IGF1R: variants seen among roughly 807,000 people sequenced by gnomAD.
The protein encoded by IGF1R is insulin-like growth factor 1 receptor.
In IGF1R, 44 loss-of-function variants were observed where a neutral mutation model predicts 144.6. The observed-to-expected ratio is 0.30, with a 90% CI of 0.24 to 0.39. IGF1R has a LOEUF of 0.39. IGF1R is among the 10% of genes least tolerant of loss of function. The pLI is 1.00. For synonymous variants in IGF1R, 795 were observed against 722.8 expected, an observed-to-expected ratio of 1.10 and a Z score of -1.60; for missense variants, 1,355 against 1,833.7, an observed-to-expected ratio of 0.74 and a Z score of 4.77.
intron 1 of IGF1R, among the ~76,000 whole-genome samples, chr15:98,681,855 T>A (rs1198533382): frequency 6.6e-6 from 1 of 152,204 alleles, no homozygotes; most frequent in Non-Finnish European, 1.5e-5. Flanking sequence ...GTTTGCTATG[T>A]GTGACCAAGG....
intron 2 of IGF1R, among the ~76,000 whole-genome samples, chr15:98,729,993 T>A (rs1041482020): frequency 1.3e-5 from 2 of 152,222 alleles, no homozygotes; most frequent in African/African-American, 4.8e-5. Context: ...GGGCATCTGG[T>A]CTAAAGGCAC....
At chr15:98,797,477 C>T (rs556532975) in intron 2 of IGF1R, among the ~76,000 whole-genome samples, 10 of 152,302 alleles carry the variant, frequency 6.6e-5, no homozygotes, top group Admixed American at 2.0e-4. Context: ...TTTTTCTTTG[C>T]GTCGGAGCCA....
At chr15:98,649,838 G>GCGGACCCGGGA (rs1486550873) in intron 1 of IGF1R, among the ~76,000 whole-genome samples, 163 bp downstream of exon 1, 1 of 152,138 alleles carries the variant, frequency 6.6e-6, no homozygotes, top group African/African-American at 2.4e-5. Flanking sequence ...GGAGGCTGCA[G>GCGGACCCGGGA]CGGACCCGGG....
Position 98,934,885 on chromosome 15 carries a change from G to A in IGF1R, c.3018G>A (p.Gly1006=), listed in dbSNP as rs779058753. The part of the protein sequence containing the change: ...REKITMSREL[G]QGSFGMVYEG... ...AGATCACCATGAGCCGGGAACTTGG[G>A]CAGGGGTCGTTTGGGATGGTCTATG... is the stretch of plus-strand genomic sequence containing the variant. Residue 1006 remains glycine (G), a synonymous_variant, in exon 16 of 21, where the codon GGG becomes GGA. Coordinates refer to ENST00000650285, the MANE Select transcript of IGF1R (RefSeq NM_000875.5). 1 of 1,614,194 alleles carries A rather than the reference G, an allele frequency of 6.2e-7. No individual in the cohort carries two copies. Among genetic ancestry groups the A allele is most frequent in the Admixed American group, 1.7e-5 (1 of 60,028 alleles).
At chr15:98,745,260 G>A (rs958471276) in intron 2 of IGF1R, among the ~76,000 whole-genome samples, 3 of 152,228 alleles carry the variant, frequency 2.0e-5, no homozygotes, top group African/African-American at 7.2e-5. Flanking sequence ...ATTACAAAAT[G>A]ATGGCCATGC....
chr15:98,649,361 C>T lies in IGF1R; in HGVS notation c.-221C>T, dbSNP rs1030651688. On this transcript the variant is annotated 5_prime_UTR_variant, in exon 1 of 21. Transcript: ENST00000650285. ...CCGCCGAGCCCTGGGCCGCTGCTGC[C>T]GGCGCTGAGGGGCCGCCCCGCGCCG... 4.2e-6 allele frequency: 1 copy of T among 240,732 alleles called. No individual in the cohort carries two copies. Among genetic ancestry groups the T allele is most frequent in the South Asian group, 1.6e-4 (1 of 6,122 alleles). The allele number at this position is 240,732 out of a possible 1,614,324, so 14.9% of individuals were successfully genotyped here.
At chr15:98,725,757 T>G (rs2141287565) in intron 2 of IGF1R, among the ~76,000 whole-genome samples, 1 of 152,342 alleles carries the variant, frequency 6.6e-6, no homozygotes, top group East Asian at 1.9e-4. Flanking sequence ...TTAATTGGAC[T>G]TACAATTCCA....
Position 98,961,963 on chromosome 15 carries a change from G to C in IGF1R, c.*4521G>C, listed in dbSNP as rs560705462. ...GGAACTACCAAATGGCGAGATGCTC[G>C]GTGCACATTGGGGTGCTTTGGGATA... On this transcript the variant is annotated 3_prime_UTR_variant, in exon 21 of 21. Transcript: ENST00000650285. 2.6e-4 allele frequency: 60 copies of C among 233,308 alleles called. No individual in the cohort carries two copies. Among genetic ancestry groups the C allele is most frequent in the African/African-American group, 1.2e-3 (56 of 45,454 alleles). The allele number at this position is 233,308 out of a possible 1,614,324, so 14.5% of individuals were successfully genotyped here. A position where few individuals can be genotyped will look rare whatever the true frequency, so the allele number is the denominator to read the frequency against.
At chr15:98,674,483 C>T (rs1435241130) in intron 1 of IGF1R, among the ~76,000 whole-genome samples, 1 of 152,148 alleles carries the variant, frequency 6.6e-6, no homozygotes, top group Non-Finnish European at 1.5e-5. Context: ...CTACAGAGCG[C>T]GTTCAGAGGG....
intron 2 of IGF1R, among the ~76,000 whole-genome samples, chr15:98,732,120 G>T (rs906791777): frequency 3.9e-5 from 6 of 152,222 alleles, no homozygotes; most frequent in African/African-American, 1.2e-4. Flanking sequence ...CCTGTGGGGA[G>T]GCTGACATGG....
chr15:98,778,130 G>A (rs937959030), intron 2 of IGF1R, among the ~76,000 whole-genome samples: 3 of 152,184 alleles, frequency 2.0e-5, no homozygotes, highest in African/African-American at 7.2e-5. Flanking sequence ...CTGAGAACAT[G>A]AGAGAGTGTT....
chr15:98,753,751 C>T (rs1466891235), intron 2 of IGF1R, among the ~76,000 whole-genome samples: 1 of 152,100 alleles, frequency 6.6e-6, no homozygotes, highest in African/African-American at 2.4e-5. Flanking sequence ...GGTTTTATTA[C>T]TTTTTATGAT....
chr15:98,881,007 A>G (rs1303029407), intron 2 of IGF1R, among the ~76,000 whole-genome samples: 4 of 152,336 alleles, frequency 2.6e-5, no homozygotes, highest in South Asian at 4.2e-4. Context: ...TCATCAATTC[A>G]TGTAGCTCAG....
At position 98,648,906 on chromosome 15, in the gene IGF1R, G is replaced by T; in HGVS notation, c.-676G>T. 6.4e-6 allele frequency: 1 copy of T among 157,448 alleles called. No homozygotes were observed. The highest frequency in any genetic ancestry group is 1.8e-4 in the South Asian group (1 of 5,438). 9.8% of individuals were successfully genotyped at this position (157,448 alleles called of 1,614,324 possible). Reference sequence around the variant, plus strand: ...CGGGGCGGGCGGCGGCGCAGAGCCGGGCGGCGCGGCGGGAGTGCTGAGCGC... The same window carrying T: ...CGGGGCGGGCGGCGGCGCAGAGCCGTGCGGCGCGGCGGGAGTGCTGAGCGC... On this transcript the variant is annotated 5_prime_UTR_variant, in exon 1 of 21. Transcript: ENST00000650285.
chr15:98,822,469 G>A (rs1321172632), intron 2 of IGF1R, among the ~76,000 whole-genome samples: 4 of 152,218 alleles, frequency 2.6e-5, no homozygotes, highest in Non-Finnish European at 1.5e-5. Context: ...AGGTCCCGAT[G>A]TAAAGTTTGG....
At chr15:98,686,718 T>G (rs1596185978) in intron 1 of IGF1R, among the ~76,000 whole-genome samples, 1 of 152,068 alleles carries the variant, frequency 6.6e-6, no homozygotes, top group South Asian at 2.1e-4. Context: ...TTGTCCAGGC[T>G]AGAGTGCAGT....
At chr15:98,797,635 C>T (rs1054146835) in intron 2 of IGF1R, among the ~76,000 whole-genome samples, 3 of 152,104 alleles carry the variant, frequency 2.0e-5, no homozygotes, top group Non-Finnish European at 4.4e-5. Flanking sequence ...CAGAGCCCTC[C>T]CGGTTCCTCT....
At chr15:98,682,272 C>T (rs900717187) in intron 1 of IGF1R, among the ~76,000 whole-genome samples, 1 of 152,092 alleles carries the variant, frequency 6.6e-6, no homozygotes, top group Non-Finnish European at 1.5e-5. Context: ...TGGGAAGGTA[C>T]CAGGAGAAAG....
chr15:98,815,867 A>G (rs1252581489), intron 2 of IGF1R, among the ~76,000 whole-genome samples: 2 of 152,022 alleles, frequency 1.3e-5, no homozygotes, highest in Non-Finnish European at 2.9e-5. Context: ...TCTTGGTACC[A>G]TTGCCCACAT....
Sources: allele counts gnomAD v4.1 joint callset (sites outside exome capture counted in the v4.1 genomes callset), GRCh38; gene constraint gnomAD v4.1.1; transcripts MANE v1.5; gene names NCBI Gene and HGNC (gene_info 2026-07-23, HGNC 2026-07-21).